Variants in NCAM2 observed in about 807,000 individuals in gnomAD.
NCAM2 encodes the protein neural cell adhesion molecule 2, also known as N-CAM-2.
A neutral mutation model predicts 98.1 loss-of-function variants in NCAM2; 30 were observed. That is an observed-to-expected ratio of 0.31 (90% CI 0.23 to 0.41). NCAM2 has a LOEUF of 0.41. NCAM2 is among the 10% of genes least tolerant of loss of function. The pLI is 1.00. For missense variants in NCAM2, 867 were observed against 1,005.8 expected, an observed-to-expected ratio of 0.86 and a Z score of 1.87; for synonymous variants, 368 against 342.4, an observed-to-expected ratio of 1.07 and a Z score of -0.83.
At chr21:21,353,385 T>C (rs2075392655) in intron 8 of NCAM2, among the ~76,000 whole-genome samples, 1 of 152,152 alleles carries the variant, frequency 6.6e-6, no homozygotes, top group Non-Finnish European at 1.5e-5. Flanking sequence ...ATATATCAGG[T>C]TTTACCACAC....
chr21:21,021,573 A>G (rs1253026127), intron 1 of NCAM2, among the ~76,000 whole-genome samples: 1 of 152,212 alleles, frequency 6.6e-6, no homozygotes, highest in African/African-American at 2.4e-5. Context: ...AAAAACTAGA[A>G]GGATTGATTT....
At chr21:21,220,290 C>G (rs2070091633) in intron 1 of NCAM2, among the ~76,000 whole-genome samples, 1 of 152,150 alleles carries the variant, frequency 6.6e-6, no homozygotes, top group Non-Finnish European at 1.5e-5. Flanking sequence ...AAATGTCATA[C>G]ATAGGCATAT....
At chr21:21,320,409 A>T (rs577045356) in intron 5 of NCAM2, among the ~76,000 whole-genome samples, 13 of 152,194 alleles carry the variant, frequency 8.5e-5, no homozygotes, top group African/African-American at 3.1e-4. Flanking sequence ...TAAATTTTGT[A>T]TGCATTTTGA....
chr21:21,278,400 G>T (rs1415714196), intron 1 of NCAM2, among the ~76,000 whole-genome samples: 1 of 151,966 alleles, frequency 6.6e-6, no homozygotes, highest in Admixed American at 6.6e-5. Flanking sequence ...AAAGAAAATT[G>T]TTTACTTATT....
intron 1 of NCAM2, among the ~76,000 whole-genome samples, chr21:21,127,703 A>G (rs934282775): frequency 6.6e-5 from 10 of 152,106 alleles, no homozygotes; most frequent in African/African-American, 1.9e-4. Flanking sequence ...GAGTAAGATG[A>G]TGTGATATTT....
intron 1 of NCAM2, among the ~76,000 whole-genome samples, chr21:21,184,428 T>C (rs373584073): frequency 6.6e-6 from 1 of 152,196 alleles, no homozygotes; most frequent in African/African-American, 2.4e-5. Context: ...GGTAGCATCA[T>C]ACAATGGTTC....
intron 5 of NCAM2, among the ~76,000 whole-genome samples, chr21:21,318,771 G>A (rs2074290901): frequency 6.6e-6 from 1 of 151,828 alleles, no homozygotes; most frequent in South Asian, 2.1e-4. Context: ...GTCATATTTG[G>A]CCAGGTGACT....
intron 8 of NCAM2, among the ~76,000 whole-genome samples, chr21:21,356,984 C>CATCAATCA (rs200229525): frequency 4.1e-5 from 3 of 73,528 alleles, no homozygotes; most frequent in Admixed American, 1.7e-4. Flanking sequence ...AGCGAAACTC[C>CATCAATCA]ATCAATAAAT....
chr21:21,293,444 C>G (rs117499968), intron 5 of NCAM2, among the ~76,000 whole-genome samples: 1 of 151,622 alleles, frequency 6.6e-6, no homozygotes, highest in Non-Finnish European at 1.5e-5. Context: ...GCATAGAAAA[C>G]CCATTATGAT....
intron 1 of NCAM2, among the ~76,000 whole-genome samples, chr21:21,031,487 T>C (rs2064680789): frequency 6.6e-6 from 1 of 152,152 alleles, no homozygotes; most frequent in South Asian, 2.1e-4. Context: ...TAGTGAGCTA[T>C]TGGCCTTCTG....
chr21:21,192,656 TAACA>T (rs538957422), intron 1 of NCAM2, among the ~76,000 whole-genome samples: 1 of 151,964 alleles, frequency 6.6e-6, no homozygotes, highest in Non-Finnish European at 1.5e-5. Flanking sequence ...AAGGACAGCG[TAACA>T]AACAAACAAA....
At chr21:21,046,625 G>A (rs752213954) in intron 1 of NCAM2, among the ~76,000 whole-genome samples, 28 of 152,006 alleles carry the variant, frequency 1.8e-4, no homozygotes, top group Admixed American at 1.5e-3. Flanking sequence ...CCATTTTGGC[G>A]TCACCTCTTG....
At chr21:21,377,326 A>G (rs1412537276) in intron 9 of NCAM2, among the ~76,000 whole-genome samples, 4 of 151,860 alleles carry the variant, frequency 2.6e-5, no homozygotes, top group Non-Finnish European at 5.9e-5. Context: ...TTTAAAATCT[A>G]TCCCTCCTTT....
intron 12 of NCAM2, among the ~76,000 whole-genome samples, chr21:21,443,338 T>C (rs865944494): frequency 6.6e-6 from 1 of 152,104 alleles, no homozygotes; most frequent in Admixed American, 6.5e-5. Flanking sequence ...GACGAGTTGA[T>C]GGGTGCAGCA....
intron 1 of NCAM2, among the ~76,000 whole-genome samples, chr21:21,265,125 T>TAATATATATACATACA (rs1568855954): frequency 3.1e-3 from 30 of 9,798 alleles, no homozygotes; most frequent in Non-Finnish European, 5.3e-3. Flanking sequence ...CATACATATA[T>TAATATATATACATACA]TATATATACA....
chr21:21,459,866 A>C (rs1307806184), intron 12 of NCAM2, among the ~76,000 whole-genome samples: 1 of 151,878 alleles, frequency 6.6e-6, no homozygotes, highest in Non-Finnish European at 1.5e-5. Context: ...GATATGTGCT[A>C]AGTTAATAAG....
intron 9 of NCAM2, among the ~76,000 whole-genome samples, chr21:21,394,677 CG>C (rs1160027571): frequency 6.6e-6 from 1 of 151,244 alleles, no homozygotes; most frequent in Admixed American, 6.6e-5. Flanking sequence ...TTAGTAGAGA[CG>C]GGGTTTCACT....
chr21:21,398,236 A>T (rs2076556674), intron 9 of NCAM2, among the ~76,000 whole-genome samples: 1 of 152,156 alleles, frequency 6.6e-6, no homozygotes, highest in Non-Finnish European at 1.5e-5. Context: ...CATAAGAATG[A>T]TACAATGGAC....
intron 16 of NCAM2, among the ~76,000 whole-genome samples, chr21:21,513,878 T>G (rs1271887291): frequency 1.3e-5 from 2 of 152,122 alleles, no homozygotes; most frequent in African/African-American, 4.8e-5. Context: ...TTTCCAATGT[T>G]GGGTGCATAC....
Sources: gnomAD v4.1 joint callset for allele counts (sites outside exome capture counted in the v4.1 genomes callset) on GRCh38, gnomAD v4.1.1 for gene constraint, MANE v1.5 for transcripts, NCBI Gene and HGNC (gene_info 2026-07-23, HGNC 2026-07-21) for gene names.